Variants in RAB12 observed in about 807,000 individuals in gnomAD.
The protein encoded by RAB12 is RAB12, member RAS oncogene family.
RAB12 carries 11 observed loss-of-function variants against 28.4 expected under a neutral mutation model. The ratio of observed to expected loss-of-function variants is 0.39; its 90% confidence interval spans 0.24 to 0.64. The LOEUF is 0.64. Among genes scored for constraint, RAB12 ranks in the 30% least tolerant of loss-of-function variants. RAB12 has a pLI of 0.50. For missense variants in RAB12, 276 were observed against 351.1 expected, an observed-to-expected ratio of 0.79 and a Z score of 1.71; for synonymous variants, 138 against 145.3, an observed-to-expected ratio of 0.95 and a Z score of 0.36.
chr18:8,609,773 G>T lies in RAB12; in HGVS notation c.334G>T (p.Gly112Cys). Reference protein sequence around the residue: ...ALQRRAGGGGGLGAGSPALSG... With the variant: ...ALQRRAGGGGCLGAGSPALSG... Reference sequence around the variant, plus strand: ...GCAGAGGCGGGCCGGGGGCGGCGGCGGTCTGGGCGCGGGCTCCCCGGCGCT... The same window carrying T: ...GCAGAGGCGGGCCGGGGGCGGCGGCTGTCTGGGCGCGGGCTCCCCGGCGCT... Residue 112 changes from glycine (G) to cysteine (C), a missense_variant, in exon 1 of 6, where the codon GGT (glycine) becomes TGT (cysteine). This residue lies in a region of RAB12 where 76 missense variants were observed against 117.9 expected (regional missense o/e 0.64). Coordinates refer to ENST00000649141, the MANE Select transcript of RAB12 (RefSeq NM_001025300.3). 1 of 1,281,630 alleles carries T rather than the reference G, an allele frequency of 7.8e-7. No homozygotes were observed. Among genetic ancestry groups the T allele is most frequent in the Non-Finnish European group, 9.9e-7 (1 of 1,015,222 alleles). 79.4% of individuals were successfully genotyped at this position (1,281,630 alleles called of 1,614,324 possible).
Position 8,609,913 on chromosome 18 carries a change from C to T in RAB12, c.474C>T (p.Phe158=). The T allele has an allele frequency of 1.9e-6, 3 of 1,609,700 alleles. No homozygotes were observed. Among genetic ancestry groups the T allele is most frequent in the African/African-American group, 2.7e-5 (2 of 74,748 alleles). ...GCAAGACCAGCCTGATGGAGCGCTT[C>T]ACCGACGACACCTTCTGCGAGGCCT... is the stretch of plus-strand genomic sequence containing the variant. ...GVGKTSLMER[F]TDDTFCEACK... is the part of the protein sequence containing the mutation. The change falls in exon 1 of 6, where the codon TTC becomes TTT. Residue 158 remains phenylalanine (F), a synonymous_variant. Transcript: ENST00000649141.
intron 1 of RAB12, among the ~76,000 whole-genome samples, chr18:8,619,903 G>T (rs1005830044): frequency 2.0e-5 from 3 of 152,090 alleles, no homozygotes; most frequent in Non-Finnish European, 4.4e-5. Flanking sequence ...CCAGCACTTG[G>T]AGAGGCTGAG....
Position 8,639,294 on chromosome 18 carries a change from CTT to C in RAB12, c.*1033_*1034del, listed in dbSNP as rs1377202495. Reference sequence around the variant, plus strand: ...ATTAAGTAATTATGTATTTGAATAACTTGGTGTGTCTTGAGTGTTGTGGTATG... The same window carrying C: ...ATTAAGTAATTATGTATTTGAATAACGGTGTGTCTTGAGTGTTGTGGTATG... On this transcript the variant is annotated 3_prime_UTR_variant, in exon 6 of 6. Coordinates refer to ENST00000649141, the MANE Select transcript of RAB12 (RefSeq NM_001025300.3). The C allele has an allele frequency of 6.6e-6, 1 of 151,302 alleles. No individual in the cohort carries two copies. Among genetic ancestry groups the C allele is most frequent in the Non-Finnish European group, 1.5e-5 (1 of 67,806 alleles). The allele number at this position is 151,302 out of a possible 1,614,324, so 9.4% of individuals were successfully genotyped here.
intron 3 of RAB12, among the ~76,000 whole-genome samples, chr18:8,633,615 A>G (rs997430485): frequency 1.3e-5 from 2 of 152,148 alleles, no homozygotes; most frequent in Non-Finnish European, 2.9e-5. Context: ...CATGGAATAG[A>G]TATAAGACAT....
chr18:8,614,674 C>T (rs977014028), intron 1 of RAB12, among the ~76,000 whole-genome samples: 3 of 152,160 alleles, frequency 2.0e-5, no homozygotes, highest in African/African-American at 7.2e-5. Context: ...AAACCTCCGC[C>T]TCCCAGGTTC....
intron 2 of RAB12, among the ~76,000 whole-genome samples, chr18:8,628,332 G>T (rs1017100262): frequency 6.6e-6 from 1 of 152,116 alleles, no homozygotes; most frequent in Non-Finnish European, 1.5e-5. Context: ...TTCTTTGGCC[G>T]TACCTGATAG....
intron 4 of RAB12, 192 bp downstream of exon 4, chr18:8,635,814 GA>G (rs945758459): frequency 4.0e-6 from 2 of 500,516 alleles, no homozygotes; most frequent in Non-Finnish European, 7.0e-6. Context: ...AATGGAGGGA[GA>G]AAAAAACACA....
intron 1 of RAB12, among the ~76,000 whole-genome samples, chr18:8,619,807 T>A (rs1359738816): frequency 6.6e-6 from 1 of 152,016 alleles, no homozygotes; most frequent in Non-Finnish European, 1.5e-5. Flanking sequence ...AGACATGGAG[T>A]ATTTGACAGA....
chr18:8,624,710 G>A (rs1424924547), intron 1 of RAB12, among the ~76,000 whole-genome samples: 6 of 152,174 alleles, frequency 3.9e-5, no homozygotes, highest in African/African-American at 1.4e-4. Context: ...GATCACTCAG[G>A]ATAAGACATA....
At chr18:8,624,684 C>G (rs535248323) in intron 1 of RAB12, among the ~76,000 whole-genome samples, 1 of 152,174 alleles carries the variant, frequency 6.6e-6, no homozygotes, top group African/African-American at 2.4e-5. Flanking sequence ...GTGTTATGAA[C>G]AGCAAATACT....
Position 8,636,240 on chromosome 18 carries a change from T to C in RAB12, c.805-13T>C, listed in dbSNP as rs2096018835. On this transcript the variant is annotated splice_polypyrimidine_tract_variant and intron_variant, in intron 4 of 5. Coordinates refer to ENST00000649141, the MANE Select transcript of RAB12 (RefSeq NM_001025300.3). The stretch of plus-strand genomic sequence containing the variant: ...GCCCCACACAGAGGAAATAGGTGTG[T>C]GTTTCTTCTCAGTTTGCACAGCAGA... 1 of 1,586,572 alleles carries C rather than the reference T, an allele frequency of 6.3e-7. No homozygotes were observed. The highest frequency in any genetic ancestry group is 1.7e-5 in the Admixed American group (1 of 59,964).
At chr18:8,624,795 T>A in intron 1 of RAB12, 143 bp from the exon 2 acceptor site, 1 of 623,026 alleles carries the variant, frequency 1.6e-6, no homozygotes, top group Non-Finnish European at 2.8e-6. Flanking sequence ...AGATACTGCT[T>A]TTCCTTGGAA....
Position 8,609,600 on chromosome 18 carries a change from G to A in RAB12, c.161G>A (p.Arg54Gln), listed in dbSNP as rs1233905553. Residue 54 changes from arginine to glutamine, a missense_variant, in exon 1 of 6, where the codon CGG (arginine) becomes CAG (glutamine). Arg to Gln is a conservative substitution (Grantham distance 43). This residue lies in a region of RAB12 where 72 missense variants were observed against 55.5 expected (regional missense o/e 1.30). Transcript: ENST00000649141. Reference protein sequence around the residue: ...GAHGPPGPLQRAEAEPGADPP... With the variant: ...GAHGPPGPLQQAEAEPGADPP... ...CACGGGCCGCCGGGGCCGCTCCAGCGGGCGGAAGCCGAGCCCGGGGCCGAC... is the reference window on the plus strand; with the variant it reads ...CACGGGCCGCCGGGGCCGCTCCAGCAGGCGGAAGCCGAGCCCGGGGCCGAC... 7.2e-6 allele frequency: 2 copies of A among 279,440 alleles called. No individual in the cohort carries two copies. The highest frequency in any genetic ancestry group is 2.3e-5 in the African/African-American group (1 of 43,140). 17.3% of individuals were successfully genotyped at this position (279,440 alleles called of 1,614,324 possible). A position where few individuals can be genotyped will look rare whatever the true frequency, so the allele number is the denominator to read the frequency against.
intron 1 of RAB12, among the ~76,000 whole-genome samples, chr18:8,618,626 C>G (rs1007710110): frequency 6.6e-6 from 1 of 152,120 alleles, no homozygotes; most frequent in Non-Finnish European, 1.5e-5. Context: ...TCTCCTGCCT[C>G]AGCCTCCCGA....
At chr18:8,619,414 T>A (rs1319450465) in intron 1 of RAB12, among the ~76,000 whole-genome samples, 4 of 152,238 alleles carry the variant, frequency 2.6e-5, no homozygotes, top group Non-Finnish European at 5.9e-5. Flanking sequence ...AATGTTTCGC[T>A]TTAAGGGGAA....
At chr18:8,633,026 T>C (rs879279447) in intron 2 of RAB12, 163 bp from the exon 3 acceptor site, 13 of 738,584 alleles carry the variant, frequency 1.8e-5, no homozygotes, top group Admixed American at 1.5e-4. Context: ...CCTAAATTTT[T>C]CCTACTTTCT....
At chr18:8,624,638 A>G (rs2096011688) in intron 1 of RAB12, among the ~76,000 whole-genome samples, 1 of 152,178 alleles carries the variant, frequency 6.6e-6, no homozygotes, top group Non-Finnish European at 1.5e-5. Flanking sequence ...GTAATTTTAA[A>G]CTGGTTTCTA....
At chr18:8,622,201 A>G (rs896455809) in intron 1 of RAB12, among the ~76,000 whole-genome samples, 10 of 152,246 alleles carry the variant, frequency 6.6e-5, no homozygotes, top group East Asian at 5.8e-4. Context: ...GTTATTTTCA[A>G]TAAAGTCGCA....
At chr18:8,628,321 A>G (rs918703277) in intron 2 of RAB12, among the ~76,000 whole-genome samples, 2 of 152,302 alleles carry the variant, frequency 1.3e-5, no homozygotes, top group African/African-American at 2.4e-5. Flanking sequence ...TTCATTTATT[A>G]TTCTTTGGCC....
Sources: allele counts gnomAD v4.1 joint callset (sites outside exome capture counted in the v4.1 genomes callset), GRCh38; gene constraint gnomAD v4.1.1; regional missense constraint gnomAD v4.1.1; transcripts MANE v1.5; gene names NCBI Gene and HGNC (gene_info 2026-07-23, HGNC 2026-07-21).